The following TRPM3 variants were observed in gnomAD, a reference collection of about 807,000 sequenced individuals.
The protein encoded by TRPM3 is long transient receptor potential channel 3.
A neutral mutation model predicts 181.2 loss-of-function variants in TRPM3; 77 were observed. That is an observed-to-expected ratio of 0.42 (90% CI 0.35 to 0.51). The LOEUF (loss-of-function observed/expected upper bound fraction) is 0.51, where lower values mean the gene tolerates loss of function less well. TRPM3 is among the 20% of genes least tolerant of loss of function. TRPM3 has a pLI of 0.01. For synonymous variants in TRPM3, 745 were observed against 796.4 expected, an observed-to-expected ratio of 0.94 and a Z score of 1.09; for missense variants, 1,759 against 2,196.7, an observed-to-expected ratio of 0.80 and a Z score of 3.98.
chr9:71,080,207 T>TAAATAAATAAATAAA (rs1396432862), intron 1 of TRPM3, among the ~76,000 whole-genome samples: 10 of 145,754 alleles, frequency 6.9e-5, no homozygotes, highest in African/African-American at 2.5e-4. Flanking sequence ...AATAAATAAA[T>TAAATAAATAAATAAA]AAAATAAAAA....
intron 1 of TRPM3, among the ~76,000 whole-genome samples, chr9:71,071,353 C>A (rs1000402112): frequency 6.6e-6 from 1 of 152,006 alleles, no homozygotes; most frequent in Non-Finnish European, 1.5e-5. Context: ...CTTTTGATTA[C>A]AAAAGTATAG....
At chr9:71,247,106 G>A (rs1409016215) in intron 1 of TRPM3, among the ~76,000 whole-genome samples, 4 of 152,152 alleles carry the variant, frequency 2.6e-5, no homozygotes, top group African/African-American at 4.8e-5. Context: ...TAGGTGATTT[G>A]CCTGCCTCAG....
chr9:71,396,192 G>C (rs2093187430), intron 1 of TRPM3, among the ~76,000 whole-genome samples: 2 of 151,668 alleles, frequency 1.3e-5, no homozygotes, highest in Non-Finnish European at 2.9e-5. Context: ...CTGGTAATTT[G>C]ACAGATACGT....
At chr9:70,812,623 A>G (rs1481616173) in intron 6 of TRPM3, among the ~76,000 whole-genome samples, 1 of 152,170 alleles carries the variant, frequency 6.6e-6, no homozygotes, top group Non-Finnish European at 1.5e-5. Flanking sequence ...CTGGCTTAAT[A>G]CTATCAGCAA....
At position 70,764,024 on chromosome 9, in the gene TRPM3, G is replaced by A. The variant is rs143546258; in HGVS notation, c.1149-2300C>T. Among the ~76,000 whole-genome samples the A allele has an allele frequency of 4.1e-3, 626 of 152,196 alleles. 4 individuals are homozygous for A. Among genetic ancestry groups the A allele is most frequent in the African/African-American group, 0.014 (597 of 41,526 alleles). ...GGTCAGTATGGCTGGAGCTGAGAAA[G>A]CAAATTAAAGAGTGGAACAAAATAG... On this transcript the variant is annotated intron_variant, in intron 7 of 25. Coordinates refer to ENST00000677713, the MANE Select transcript of TRPM3 (RefSeq NM_001366145.2).
chr9:71,217,508 G>T (rs2079966897), intron 1 of TRPM3, among the ~76,000 whole-genome samples: 1 of 152,196 alleles, frequency 6.6e-6, no homozygotes. Flanking sequence ...TGTGAAGCCA[G>T]AATTTCTGTC....
chr9:71,062,172 A>C (rs2061405804), intron 1 of TRPM3, among the ~76,000 whole-genome samples: 1 of 152,106 alleles, frequency 6.6e-6, no homozygotes, highest in Non-Finnish European at 1.5e-5. Context: ...GTATTAAATA[A>C]CCACCTGCAA....
chr9:70,865,859 C>T (rs1289706378), intron 1 of TRPM3, among the ~76,000 whole-genome samples: 1 of 152,060 alleles, frequency 6.6e-6, no homozygotes, highest in Non-Finnish European at 1.5e-5. Context: ...GGTGTTCATG[C>T]ATTGTCCACA....
chr9:71,105,438 TA>T (rs139430118), intron 1 of TRPM3, among the ~76,000 whole-genome samples: 72 of 152,250 alleles, frequency 4.7e-4, no homozygotes, highest in African/African-American at 1.6e-3. Context: ...AGACGGGAGC[TA>T]CAGGACAGCT....
intron 1 of TRPM3, among the ~76,000 whole-genome samples, chr9:71,086,579 G>A (rs2065300210): frequency 6.6e-6 from 1 of 152,006 alleles, no homozygotes; most frequent in South Asian, 2.1e-4. Flanking sequence ...GTCAGGATAA[G>A]AGGGAACTTC....
chr9:70,973,191 C>T (rs777203181), intron 1 of TRPM3, among the ~76,000 whole-genome samples: 2 of 152,152 alleles, frequency 1.3e-5, no homozygotes, highest in Non-Finnish European at 2.9e-5. Context: ...TTTCTTATCA[C>T]AATAATTACA....
At chr9:70,633,945 G>C (rs1053431097) in intron 12 of TRPM3, among the ~76,000 whole-genome samples, 1 of 152,076 alleles carries the variant, frequency 6.6e-6, no homozygotes, top group Non-Finnish European at 1.5e-5. Context: ...TTTATTTTTT[G>C]GAATTAAAAC....
intron 1 of TRPM3, among the ~76,000 whole-genome samples, chr9:71,169,838 A>AT (rs2076753286): frequency 6.6e-6 from 1 of 150,832 alleles, no homozygotes; most frequent in Non-Finnish European, 1.5e-5. Flanking sequence ...ATATTTTTAT[A>AT]TTTTTTATAA....
chr9:70,542,112 C>A (rs1487470695), intron 25 of TRPM3, among the ~76,000 whole-genome samples: 1 of 152,082 alleles, frequency 6.6e-6, no homozygotes, highest in Non-Finnish European at 1.5e-5. Context: ...TATAGTGAGA[C>A]CCTATCTCAA....
At chr9:71,214,716 T>G (rs1433184692) in intron 1 of TRPM3, among the ~76,000 whole-genome samples, 2 of 152,194 alleles carry the variant, frequency 1.3e-5, no homozygotes, top group African/African-American at 4.8e-5. Context: ...TCCACTTTCA[T>G]GCACCCTGCA....
At chr9:71,395,539 T>C (rs1224397411) in intron 1 of TRPM3, among the ~76,000 whole-genome samples, 1 of 152,218 alleles carries the variant, frequency 6.6e-6, no homozygotes, top group African/African-American at 2.4e-5. Context: ...TTTAACTTCA[T>C]GTAATTGACC....
chr9:71,081,191 C>A (rs1056751646), intron 1 of TRPM3, among the ~76,000 whole-genome samples: 3 of 152,102 alleles, frequency 2.0e-5, no homozygotes, highest in African/African-American at 7.2e-5. Flanking sequence ...GGAGCAATGG[C>A]TATAATATGT....
chr9:70,854,819 T>A (rs1251003056), intron 3 of TRPM3, among the ~76,000 whole-genome samples: 1 of 152,196 alleles, frequency 6.6e-6, no homozygotes, highest in African/African-American at 2.4e-5. Flanking sequence ...CTCAAGAATG[T>A]TCTGTATGAA....
chr9:71,280,713 C>G (rs1260983659), intron 1 of TRPM3, among the ~76,000 whole-genome samples: 1 of 152,136 alleles, frequency 6.6e-6, no homozygotes, highest in Non-Finnish European at 1.5e-5. Flanking sequence ...CTGGGTTTTG[C>G]TCCCCTTAGC....
Sources: allele counts gnomAD v4.1 joint callset (sites outside exome capture counted in the v4.1 genomes callset), GRCh38; gene constraint gnomAD v4.1.1; transcripts MANE v1.5; gene names NCBI Gene and HGNC (gene_info 2026-07-23, HGNC 2026-07-21).